Variants in RXRB observed in about 807,000 individuals in gnomAD.
RXRB encodes the protein retinoid X receptor beta.
In RXRB, 18 loss-of-function variants were observed where a neutral mutation model predicts 52.5. The observed-to-expected ratio is 0.34, with a 90% confidence interval of 0.24 to 0.51. The LOEUF (loss-of-function observed/expected upper bound fraction) is 0.51. Ranked by LOEUF, RXRB falls within the 20% of genes least tolerant of loss-of-function variation. The pLI, the probability that RXRB is intolerant of heterozygous loss-of-function variation, is 0.97. For missense variants in RXRB, 455 were observed against 698.2 expected (o/e 0.65, Z 3.92); for synonymous variants, 233 against 267.1 (o/e 0.87, Z 1.25).
In RXRB at chr6:33,199,356, G is replaced by A; in HGVS notation, c.296C>T (p.Ser99Phe). 8.2e-7 allele frequency: 1 copy of A among 1,220,636 alleles called. No individual in the cohort carries two copies. The highest frequency in any genetic ancestry group is 1.0e-6 in the Non-Finnish European group (1 of 967,028). The allele number at this position is 1,220,636 out of a possible 1,614,324, so 75.6% of individuals were successfully genotyped here. A position where few individuals can be genotyped will look rare whatever the true frequency, so the allele number is the denominator to read the frequency against. ...NPLPQGVPPP[S>F]PPGPPLPPST... ...AGGGGGTAGGGGTGGCCCAGGAGGA[G>A]AAGGGGGAGGGACTCCCTGGGGAAG... The change falls in exon 2 of 10, where the codon TCT (serine) becomes TTT (phenylalanine). Residue 99 changes from serine (S) to phenylalanine (F), a missense_variant. Around this residue, in one of 4 missense-constraint regions of RXRB, gnomAD observed 225 missense variants for 258.6 expected, o/e 0.87. Transcript: ENST00000374680.
In RXRB at chr6:33,199,359, G is replaced by A. The variant is rs562965824; in HGVS notation, c.293C>T (p.Pro98Leu). 8 of 1,239,116 alleles carry A rather than the reference G, an allele frequency of 6.5e-6. No homozygotes were observed. The South Asian group carries it at 2.0e-4, about 31-fold the overall frequency. 76.8% of individuals were successfully genotyped at this position (1,239,116 alleles called of 1,614,324 possible). A position where few individuals can be genotyped will look rare whatever the true frequency, so the allele number is the denominator to read the frequency against. ...PNPLPQGVPPPSPPGPPLPPS... is the reference protein window; with the variant it reads ...PNPLPQGVPPLSPPGPPLPPS... Reference sequence around the variant, plus strand: ...GGGTAGGGGTGGCCCAGGAGGAGAAGGGGGAGGGACTCCCTGGGGAAGGGG... The same window carrying A: ...GGGTAGGGGTGGCCCAGGAGGAGAAAGGGGAGGGACTCCCTGGGGAAGGGG... The change falls in exon 2 of 10, where the codon CCT becomes CTT. Residue 98 changes from proline (P) to leucine (L), a missense_variant. This residue lies in a region of RXRB where 225 missense variants were observed against 258.6 expected (regional missense o/e 0.87). Coordinates refer to ENST00000374680, the MANE Select transcript of RXRB (RefSeq NM_021976.5).
chr6:33,194,696 G>A lies in RXRB; in HGVS notation c.1588C>T (p.His530Tyr). The change falls in exon 10 of 10, where the codon CAT becomes TAT. Residue 530 changes from histidine to tyrosine, a missense_variant. By Grantham distance (83) the His-to-Tyr change is moderately conservative. Coordinates refer to ENST00000374680, the MANE Select transcript of RXRB (RefSeq NM_021976.5). The surrounding 1 kb of genome is among the most constrained non-coding windows in gnomAD (Gnocchi z 4.1). ...TGGGTCTGAGCTCAGGCCAGTTGAT[G>A]GGGAGCCTCAAGCATCTCCATGAGG... ...TFLMEMLEAP[H>Y]QLA is the part of the protein sequence containing the mutation. 1 of 1,613,076 alleles carries A rather than the reference G, an allele frequency of 6.2e-7. No homozygotes were observed. Among genetic ancestry groups the A allele is most frequent in the Non-Finnish European group, 8.5e-7 (1 of 1,179,970 alleles).
Position 33,195,247 on chromosome 6 carries a change from G to A in RXRB, c.1348+116C>T, listed in dbSNP as rs1305255934. ...TGGGTTTTTCCTCGGCCAGTTGGGA[G>A]ATTTCCAGGTTGAGGGTCTTACTGA... On this transcript the variant is annotated intron_variant, in intron 8 of 9. Coordinates refer to ENST00000374680, the MANE Select transcript of RXRB (RefSeq NM_021976.5). This position sits in a 1 kb window ranked among gnomAD's most constrained non-coding sequence, Gnocchi z 8.6. 5 of 817,600 alleles carry A rather than the reference G, an allele frequency of 6.1e-6. No individual in the cohort carries two copies. The highest frequency in any genetic ancestry group is 1.0e-5 in the Non-Finnish European group (5 of 480,102). The allele number at this position is 817,600 out of a possible 1,614,324, so 50.6% of individuals were successfully genotyped here.
rs756760822 is a variant in RXRB, at chr6:33,194,838, G to A, written c.1455-9C>T. 2.9e-5 allele frequency: 46 copies of A among 1,612,662 alleles called. No individual in the cohort carries two copies. In the Admixed American group the frequency reaches 3.7e-4, roughly 13 times the overall value. ...GCAGCAGCTTGGCAAACCTGGGGTG[G>A]AGGTGGGAGAAGGGGATTGAGAGCT... On this transcript the variant is annotated splice_polypyrimidine_tract_variant and intron_variant, in intron 9 of 9. Transcript: ENST00000374680. The surrounding 1 kb of genome is among the most constrained non-coding windows in gnomAD (Gnocchi z 4.1).
chr6:33,197,973 T>C lies in RXRB; in HGVS notation c.641-32A>G, dbSNP rs150022009. ...GGAAAGGGGAGGAGCAATAAGAAGG[T>C]TGCATGGAGACACCTTCACCATTTA... is the stretch of plus-strand genomic sequence containing the variant. On this transcript the variant is annotated intron_variant, in intron 3 of 9. Coordinates refer to ENST00000374680, the MANE Select transcript of RXRB (RefSeq NM_021976.5). This position sits in a 1 kb window ranked among gnomAD's most constrained non-coding sequence, Gnocchi z 4.4. 2,080 of 1,602,146 alleles carry C rather than the reference T, an allele frequency of 1.3e-3. No homozygotes were observed. Among genetic ancestry groups the C allele is most frequent in the Middle Eastern group, 1.7e-3 (10 of 6,054 alleles).
At position 33,194,729 on chromosome 6, in the gene RXRB, C is replaced by T. The variant is rs1346349022; in HGVS notation, c.1555G>A (p.Asp519Asn). Residue 519 changes from aspartate to asparagine, a missense_variant, in exon 10 of 10, where the codon GAC becomes AAC. Coordinates refer to ENST00000374680, the MANE Select transcript of RXRB (RefSeq NM_021976.5). The surrounding 1 kb of genome is among the most constrained non-coding windows in gnomAD (Gnocchi z 4.1). ...FFKLIGDTPI[D>N]TFLMEMLEAP... The stretch of plus-strand genomic sequence containing the variant: ...TCAAGCATCTCCATGAGGAAGGTGT[C>T]GATGGGGGTGTCACCAATGAGCTTG... The T allele has an allele frequency of 6.2e-7, 1 of 1,613,134 alleles. No individual in the cohort carries two copies. Among genetic ancestry groups the T allele is most frequent in the South Asian group, 1.1e-5 (1 of 91,082 alleles).
chr6:33,199,934 A>T, intron 1 of RXRB: 1 of 720,666 alleles, frequency 1.4e-6, no homozygotes, highest in Non-Finnish European at 2.6e-6. Flanking sequence ...GGCAGGAGAG[A>T]CCCCTCCTAA....
rs143679412 is a variant in RXRB at position 33,196,543 on chromosome 6, G to A, written c.884C>T (p.Ala295Val). Reference protein sequence around the residue: ...KDGDGEGAGGAPEEMPVDRIL... With the variant: ...KDGDGEGAGGVPEEMPVDRIL... Reference sequence around the variant, plus strand: ...CCTGTCCACAGGCATCTCCTCGGGGGCTCCCCCAGCCCCCTCCCCATCCCC... The same window carrying A: ...CCTGTCCACAGGCATCTCCTCGGGGACTCCCCCAGCCCCCTCCCCATCCCC... The change falls in exon 5 of 10, where the codon GCC (alanine) becomes GTC (valine). Residue 295 changes from alanine (A) to valine (V), a missense_variant. Around this residue, in one of 4 missense-constraint regions of RXRB, gnomAD observed 100 missense variants for 141.9 expected, o/e 0.70. Transcript: ENST00000374680. The surrounding 1 kb of genome is among the most constrained non-coding windows in gnomAD (Gnocchi z 4.0). 2.6e-4 allele frequency: 417 copies of A among 1,612,524 alleles called. No homozygotes were observed. The highest frequency in any genetic ancestry group is 3.2e-4 in the Non-Finnish European group (382 of 1,179,726).
rs1273251561 is a variant in RXRB, at chr6:33,196,263, G to A, written c.993+171C>T. On this transcript the variant is annotated intron_variant, in intron 5 of 9. Transcript: ENST00000374680. This position sits in a 1 kb window ranked among gnomAD's most constrained non-coding sequence, Gnocchi z 4.0. Reference sequence around the variant, plus strand: ...TGTTTGGGGAGTGGAGACAGAAGGAGCTATCACATCCACCTCAGATGTTTG... The same window carrying A: ...TGTTTGGGGAGTGGAGACAGAAGGAACTATCACATCCACCTCAGATGTTTG... 1 of 912,848 alleles carries A rather than the reference G, an allele frequency of 1.1e-6. No homozygotes were observed. Among genetic ancestry groups the A allele is most frequent in the African/African-American group, 1.6e-5 (1 of 61,690 alleles). 56.5% of individuals were successfully genotyped at this position (912,848 alleles called of 1,614,324 possible).
upstream of RXRB, chr6:33,200,724 T>G (rs1240169616): frequency 6.5e-7 from 1 of 1,545,798 alleles, no homozygotes; most frequent in Admixed American, 2.0e-5. The surrounding 1 kb of genome is among the most constrained non-coding windows in gnomAD (Gnocchi z 6.3). Flanking sequence ...GGCGGTCTCC[T>G]CCGGCCTGTT....
Position 33,198,442 on chromosome 6 carries a change from G to A in RXRB, c.506C>T (p.Pro169Leu). 1 of 1,612,562 alleles carries A rather than the reference G, an allele frequency of 6.2e-7. No homozygotes were observed. The highest frequency in any genetic ancestry group is 8.5e-7 in the Non-Finnish European group (1 of 1,179,684). Reference sequence around the variant, plus strand: ...TTCAGGGGGGCCAGACCCACCCCCAGGGAGTGACACTGTTGAGTTAATCTG... The same window carrying A: ...TTCAGGGGGGCCAGACCCACCCCCAAGGAGTGACACTGTTGAGTTAATCTG... ...SPQINSTVSL[P>L]GGGSGPPEDV... The change falls in exon 3 of 10, where the codon CCT becomes CTT. Residue 169 changes from proline (P) to leucine (L), a missense_variant. Physicochemically the swap from Pro to Leu is moderately conservative, Grantham distance 98. Coordinates refer to ENST00000374680, the MANE Select transcript of RXRB (RefSeq NM_021976.5).
Position 33,197,679 on chromosome 6 carries a change from C to A in RXRB, c.820+83G>T. Reference sequence around the variant, plus strand: ...CCTCTAGAGGAGAGAGAGCAGTCCACCCTTCCAGAGAGGTACACAGTCTGA... The same window carrying A: ...CCTCTAGAGGAGAGAGAGCAGTCCAACCTTCCAGAGAGGTACACAGTCTGA... On this transcript the variant is annotated intron_variant, in intron 4 of 9. Transcript: ENST00000374680. This position sits in a 1 kb window ranked among gnomAD's most constrained non-coding sequence, Gnocchi z 4.4. 1 of 1,313,146 alleles carries A rather than the reference C, an allele frequency of 7.6e-7. No homozygotes were observed. The highest frequency in any genetic ancestry group is 1.3e-5 in the South Asian group (1 of 75,912). The allele number at this position is 1,313,146 out of a possible 1,614,324, so 81.3% of individuals were successfully genotyped here.
chr6:33,199,817 C>G, intron 1 of RXRB: 1 of 519,718 alleles, frequency 1.9e-6, no homozygotes, highest in Admixed American at 2.3e-5. Context: ...CAGGTCATCC[C>G]AAAGCCACAC....
At position 33,200,051 on chromosome 6, in the gene RXRB, A is replaced by G. The variant is rs770571495; in HGVS notation, c.235+191T>C. 2.3e-6 allele frequency: 2 copies of G among 872,608 alleles called. No individual in the cohort carries two copies. Among genetic ancestry groups the G allele is most frequent in the Non-Finnish European group, 3.9e-6 (2 of 516,964 alleles). The allele number at this position is 872,608 out of a possible 1,614,324, so 54.1% of individuals were successfully genotyped here. On this transcript the variant is annotated intron_variant, in intron 1 of 9. Coordinates refer to ENST00000374680, the MANE Select transcript of RXRB (RefSeq NM_021976.5). The surrounding 1 kb of genome is among the most constrained non-coding windows in gnomAD (Gnocchi z 6.3). ...CCCAAGGCCTCAAGCGGTCACAGCT[A>G]GGAGGGCGGAAGCTCCCCTTCCCCG... is the stretch of plus-strand genomic sequence containing the variant.
In RXRB at chr6:33,198,376, C is replaced by A; in HGVS notation, c.572G>T (p.Cys191Phe). Residue 191 changes from cysteine (C) to phenylalanine (F), a missense_variant, in exon 3 of 10, where the codon TGT (cysteine) becomes TTT (phenylalanine). By Grantham distance (205) the Cys-to-Phe change is radical (BLOSUM62 -2). Around this residue, in one of 4 missense-constraint regions of RXRB, gnomAD observed 225 missense variants for 258.6 expected, o/e 0.87. Transcript: ENST00000374680. ...CCCAGGGCCACCTGGAGGGGGTGGA[C>A]AGTGCAGGCCCCGGACCCCTAAGAC... ...PPVLGVRGLH[C>F]PPPPGGPGAG... 1.2e-6 allele frequency: 2 copies of A among 1,612,880 alleles called. No individual in the cohort carries two copies. Among genetic ancestry groups the A allele is most frequent in the Non-Finnish European group, 1.7e-6 (2 of 1,179,902 alleles).
rs758834627 is a variant in RXRB, at chr6:33,194,821, T to C, written c.1463A>G (p.Lys488Arg). The change falls in exon 10 of 10, where the codon AAG becomes AGG. Residue 488 changes from lysine to arginine, a missense_variant. Lys to Arg is a conservative substitution (Grantham distance 26). Transcript: ENST00000374680. This position sits in a 1 kb window ranked among gnomAD's most constrained non-coding sequence, Gnocchi z 4.1. Reference protein sequence around the residue: ...KYPEQQGRFAKLLLRLPALRS... With the variant: ...KYPEQQGRFARLLLRLPALRS... ...GAGGGCAGGAAGACGTAGCAGCAGC[T>C]TGGCAAACCTGGGGTGGAGGTGGGA... 6.2e-7 allele frequency: 1 copy of C among 1,612,928 alleles called. No individual in the cohort carries two copies. Among genetic ancestry groups the C allele is most frequent in the Non-Finnish European group, 8.5e-7 (1 of 1,179,986 alleles).
chr6:33,198,440 C>T lies in RXRB; in HGVS notation c.508G>A (p.Gly170Arg), dbSNP rs1774095978. The change falls in exon 3 of 10, where the codon GGG (glycine) becomes AGG (arginine). Residue 170 changes from glycine to arginine, a missense_variant. Coordinates refer to ENST00000374680, the MANE Select transcript of RXRB (RefSeq NM_021976.5). ...TCTTCAGGGGGGCCAGACCCACCCC[C>T]AGGGAGTGACACTGTTGAGTTAATC... Reference protein sequence around the residue: ...PQINSTVSLPGGGSGPPEDVK... With the variant: ...PQINSTVSLPRGGSGPPEDVK... 6.2e-7 allele frequency: 1 copy of T among 1,612,328 alleles called. No homozygotes were observed. Among genetic ancestry groups the T allele is most frequent in the Non-Finnish European group, 8.5e-7 (1 of 1,179,648 alleles).
chr6:33,199,097 CA>C (rs1011430267), intron 2 of RXRB, 71 bp downstream of exon 2: 2 of 1,155,286 alleles, frequency 1.7e-6, no homozygotes, highest in Non-Finnish European at 2.2e-6. Context: ...GAAGTTCACA[CA>C]AGGATCTGGG....
chr6:33,200,726 C>T, upstream of RXRB: 4 of 1,545,714 alleles, frequency 2.6e-6, no homozygotes, highest in Non-Finnish European at 3.5e-6. The surrounding 1 kb of genome is among the most constrained non-coding windows in gnomAD (Gnocchi z 6.3). Flanking sequence ...CGGTCTCCTC[C>T]GGCCTGTTAG....
Sources: gnomAD v4.1 joint callset for allele counts on GRCh38, gnomAD v4.1.1 for gene constraint, gnomAD v4.1.1 regional missense constraint, Gnocchi (gnomAD v3.1) non-coding constraint, MANE v1.5 for transcripts, NCBI Gene and HGNC (gene_info 2026-07-23, HGNC 2026-07-21) for gene names.